The following UCHL5 variants were observed in gnomAD, a reference collection of about 807,000 sequenced individuals.
The protein encoded by UCHL5 is ubiquitin carboxyl-terminal hydrolase isozyme L5.
Under a neutral mutation model 53.8 loss-of-function variants are expected in UCHL5, and 34 were observed. The observed-to-expected ratio is 0.63, with a 90% confidence interval of 0.48 to 0.84. The LOEUF (loss-of-function observed/expected upper bound fraction) is 0.84, where lower values mean the gene tolerates loss of function less well. UCHL5 is among the 40% of genes least tolerant of loss of function. The probability of loss-of-function intolerance (pLI) is 0.00; values close to 1 mark genes in which losing one functional copy is unlikely to be tolerated. For missense variants in UCHL5, 290 were observed against 385.6 expected (o/e 0.75, Z 2.08); for synonymous variants, 111 against 126.3 (o/e 0.88, Z 0.81).
intron 7 of UCHL5, among the ~76,000 whole-genome samples, chr1:193,026,356 T>G (rs754139808): frequency 6.6e-6 from 1 of 152,070 alleles, no homozygotes; most frequent in Admixed American, 6.6e-5. Context: ...GGAGTACAAG[T>G]GGATGGGCTA....
At position 193,029,596 on chromosome 1, in the gene UCHL5, T is replaced by C. The variant is rs904558279; in HGVS notation, c.308A>G (p.Gln103Arg). ...TAATGTCTCGCCTAAATGGACATCC[T>C]GGTGGGTACAGTTCAGTAACACACT... is the stretch of plus-strand genomic sequence containing the variant. ...IVSVLLNCTH[Q>R]DVHLGETLSE... Residue 103 changes from glutamine to arginine, a missense_variant, in exon 4 of 11, where the codon CAG (glutamine) becomes CGG (arginine). Coordinates refer to ENST00000367454, the MANE Select transcript of UCHL5 (RefSeq NM_001199261.3). The C allele has an allele frequency of 3.7e-6, 6 of 1,613,512 alleles. No homozygotes were observed. Among genetic ancestry groups the C allele is most frequent in the Non-Finnish European group, 5.1e-6 (6 of 1,179,684 alleles).
intron 7 of UCHL5, among the ~76,000 whole-genome samples, chr1:193,025,380 A>C (rs1658782683): frequency 6.6e-6 from 1 of 152,214 alleles, no homozygotes; most frequent in Admixed American, 6.5e-5. Context: ...CTGGGTAGGG[A>C]ATGGGGACTT....
At chr1:193,019,974 T>C (rs954811090) in intron 10 of UCHL5, 2 of 984,170 alleles carry the variant, frequency 2.0e-6, no homozygotes, top group East Asian at 1.1e-4. Context: ...AATAACATCA[T>C]ATCTAGGTAT....
chr1:193,059,371 C>A (rs530753177), upstream of UCHL5: 56 of 1,606,272 alleles, frequency 3.5e-5, no homozygotes, highest in African/African-American at 3.9e-4. This position sits in a 1 kb window ranked among gnomAD's most constrained non-coding sequence, Gnocchi z 4.9. Flanking sequence ...GTCAACCACA[C>A]GTCACCCCGC....
chr1:193,043,984 C>T (rs1021434495), intron 3 of UCHL5, among the ~76,000 whole-genome samples: 4 of 152,076 alleles, frequency 2.6e-5, no homozygotes, highest in South Asian at 2.1e-4. Flanking sequence ...CTTTCAGTAA[C>T]GTCTATGAGT....
intron 2 of UCHL5, among the ~76,000 whole-genome samples, chr1:193,050,225 T>C (rs949712542): frequency 6.6e-6 from 1 of 152,184 alleles, no homozygotes; most frequent in Non-Finnish European, 1.5e-5. Flanking sequence ...ATAGCATATA[T>C]TATCTATATT....
intron 3 of UCHL5, among the ~76,000 whole-genome samples, chr1:193,034,155 A>G (rs1314318959): frequency 6.6e-6 from 1 of 152,132 alleles, no homozygotes; most frequent in Non-Finnish European, 1.5e-5. Flanking sequence ...GAGAAATAAG[A>G]TCAGCCAGGT....
chr1:193,031,561 T>C (rs1164028332), intron 3 of UCHL5, among the ~76,000 whole-genome samples: 1 of 152,166 alleles, frequency 6.6e-6, no homozygotes, highest in Non-Finnish European at 1.5e-5. Context: ...ATGAGAATAT[T>C]GTCTTCAAGT....
intron 3 of UCHL5, among the ~76,000 whole-genome samples, chr1:193,035,620 A>G (rs1663073875): frequency 6.6e-6 from 1 of 152,112 alleles, no homozygotes; most frequent in Non-Finnish European, 1.5e-5. Context: ...GAACAGAAAA[A>G]AACACTAATG....
In UCHL5 at chr1:193,045,713, GA is replaced by G. The variant is rs201438127; in HGVS notation, c.246+4032del. On this transcript the variant is annotated intron_variant, in intron 3 of 10. Transcript: ENST00000367454. ...CACAAATATACACAAACATACATGG[GA>G]AAAAAATCTGTAAAAATATAAATTG... 7.2e-3 allele frequency among the ~76,000 whole-genome samples: 1,088 copies of G among 152,050 alleles called. 4 individuals are homozygous for G. The highest frequency in any genetic ancestry group is 0.01 in the Non-Finnish European group (696 of 67,976).
chr1:193,056,908 A>T (rs910519152), intron 1 of UCHL5, among the ~76,000 whole-genome samples: 1 of 152,194 alleles, frequency 6.6e-6, no homozygotes, highest in South Asian at 2.1e-4. Context: ...TAATGAAGCC[A>T]ATTTATTAAT....
chr1:193,028,078 C>T lies in UCHL5; in HGVS notation c.629+7G>A. The T allele has an allele frequency of 1.2e-6, 2 of 1,602,788 alleles. No individual in the cohort carries two copies. Among genetic ancestry groups the T allele is most frequent in the East Asian group, 4.5e-5 (2 of 44,664 alleles). ...TATTATGCCAATGAGATTAGCTGAG[C>T]ATTTACTTTTGTATCCTTTTTTCTA... On this transcript the variant is annotated splice_region_variant and intron_variant, in intron 7 of 10. Transcript: ENST00000367454.
intron 3 of UCHL5, among the ~76,000 whole-genome samples, chr1:193,037,570 T>C (rs1412085195): frequency 6.6e-6 from 1 of 152,110 alleles, no homozygotes; most frequent in Admixed American, 6.5e-5. Context: ...TGAATGCTAA[T>C]TTTACTCAAA....
At chr1:193,019,976 T>G (rs1035572881) in intron 10 of UCHL5, 1 of 984,188 alleles carries the variant, frequency 1.0e-6, no homozygotes, top group Non-Finnish European at 1.2e-6. Flanking sequence ...TAACATCATA[T>G]CTAGGTATTC....
upstream of UCHL5, chr1:193,059,683 G>C: frequency 2.2e-6 from 3 of 1,363,598 alleles, no homozygotes; most frequent in Non-Finnish European, 2.9e-6. The surrounding 1 kb of genome is among the most constrained non-coding windows in gnomAD (Gnocchi z 4.9). Context: ...GGCTGTCGCT[G>C]CCCGTCAGGC....
At chr1:193,021,064 CTTAA>C in intron 10 of UCHL5, 29 bp downstream of exon 10, 1 of 1,479,292 alleles carries the variant, frequency 6.8e-7, no homozygotes, top group Non-Finnish European at 9.4e-7. Flanking sequence ...AGACTCTAAA[CTTAA>C]TTTAAGTATC....
chr1:193,038,038 A>T (rs937128439), intron 3 of UCHL5, among the ~76,000 whole-genome samples: 13 of 152,226 alleles, frequency 8.5e-5, no homozygotes, highest in African/African-American at 3.1e-4. Context: ...AAAGCATTTG[A>T]TAAAATTTAA....
chr1:193,037,112 C>G (rs1327803097), intron 3 of UCHL5, among the ~76,000 whole-genome samples: 1 of 150,850 alleles, frequency 6.6e-6, no homozygotes, highest in African/African-American at 2.4e-5. Context: ...CAAACCAAAC[C>G]CAAAATTATT....
intron 3 of UCHL5, among the ~76,000 whole-genome samples, chr1:193,040,777 T>C (rs541967300): frequency 6.6e-6 from 1 of 152,102 alleles, no homozygotes; most frequent in Non-Finnish European, 1.5e-5. Context: ...ATAAAGAAAA[T>C]GTAGTATATA....
Sources: gnomAD v4.1 joint callset for allele counts (sites outside exome capture counted in the v4.1 genomes callset) on GRCh38, gnomAD v4.1.1 for gene constraint, Gnocchi (gnomAD v3.1) non-coding constraint, MANE v1.5 for transcripts, NCBI Gene and HGNC (gene_info 2026-07-23, HGNC 2026-07-21) for gene names.